MYT1L: variants seen among roughly 807,000 people sequenced by gnomAD.
The protein encoded by MYT1L is myelin transcription factor 1-like protein.
A neutral mutation model predicts 126.7 loss-of-function variants in MYT1L; 12 were observed. The ratio of observed to expected loss-of-function variants is 0.09; its 90% CI spans 0.06 to 0.15. MYT1L has a LOEUF of 0.15. MYT1L is among the 10% of genes least tolerant of loss of function. The pLI, the probability that MYT1L is intolerant of heterozygous loss-of-function variation, is 1.00. For synonymous variants in MYT1L, 541 were observed against 604.2 expected, an observed-to-expected ratio of 0.90 and a Z score of 1.53; for missense variants, 979 against 1,585.2, an observed-to-expected ratio of 0.62 and a Z score of 6.49.
intron 18 of MYT1L, among the ~76,000 whole-genome samples, chr2:1,878,555 C>A (rs1035935562): frequency 3.9e-5 from 6 of 152,118 alleles, no homozygotes; most frequent in Non-Finnish European, 8.8e-5. Flanking sequence ...AGTGTGTACA[C>A]CTGCTTGGTG....
chr2:2,042,883 C>T (rs1415873235), intron 4 of MYT1L, among the ~76,000 whole-genome samples: 1 of 152,204 alleles, frequency 6.6e-6, no homozygotes, highest in African/African-American at 2.4e-5. Flanking sequence ...CTCCCCTCTG[C>T]CCTTCCCCCC....
chr2:2,233,807 C>T (rs1464988854), intron 2 of MYT1L, among the ~76,000 whole-genome samples: 2 of 152,216 alleles, frequency 1.3e-5, no homozygotes, highest in African/African-American at 2.4e-5. Context: ...TCCAGATTCT[C>T]ACCCTGTACT....
At chr2:2,286,993 T>C (rs1431733659) in intron 1 of MYT1L, among the ~76,000 whole-genome samples, 3 of 151,844 alleles carry the variant, frequency 2.0e-5, no homozygotes, top group Admixed American at 6.6e-5. Context: ...ACACACAGAT[T>C]TCATCTAAAA....
intron 2 of MYT1L, among the ~76,000 whole-genome samples, chr2:2,274,640 A>C (rs2095324075): frequency 6.6e-6 from 1 of 152,226 alleles, no homozygotes; most frequent in Admixed American, 6.5e-5. Flanking sequence ...GTGTACTTAA[A>C]ACATATTTCT....
intron 3 of MYT1L, among the ~76,000 whole-genome samples, chr2:2,146,303 A>G (rs2084865143): frequency 1.3e-5 from 2 of 152,242 alleles, no homozygotes; most frequent in Non-Finnish European, 2.9e-5. Flanking sequence ...CATGGAGACC[A>G]CACAAAGGCC....
intron 18 of MYT1L, among the ~76,000 whole-genome samples, chr2:1,882,263 C>A (rs778292331): frequency 6.6e-6 from 1 of 152,162 alleles, no homozygotes; most frequent in African/African-American, 2.4e-5. Flanking sequence ...GGACGCTATG[C>A]ACGGGAGTGA....
chr2:1,959,667 C>T (rs984487064), intron 8 of MYT1L, among the ~76,000 whole-genome samples: 3 of 152,294 alleles, frequency 2.0e-5, no homozygotes, highest in South Asian at 4.1e-4. Context: ...GCTATGCCCC[C>T]GCTCCATCCC....
At chr2:2,323,543 T>C (rs1432410441) in intron 1 of MYT1L, among the ~76,000 whole-genome samples, 1 of 152,186 alleles carries the variant, frequency 6.6e-6, no homozygotes, top group Non-Finnish European at 1.5e-5. Flanking sequence ...CATGGAAGTA[T>C]AATTAACTAA....
At chr2:1,968,278 G>T (rs1200896288) in intron 8 of MYT1L, among the ~76,000 whole-genome samples, 2 of 114,038 alleles carry the variant, frequency 1.8e-5, no homozygotes, top group Non-Finnish European at 3.4e-5. Flanking sequence ...TTCCCTTCCT[G>T]GCTCCCCAGA....
At chr2:2,099,939 G>A (rs2077863008) in intron 3 of MYT1L, among the ~76,000 whole-genome samples, 1 of 152,306 alleles carries the variant, frequency 6.6e-6, no homozygotes, top group South Asian at 2.1e-4. Flanking sequence ...ACTTATGATT[G>A]ACAGAGAGAG....
chr2:2,038,407 AG>A (rs920829428), intron 4 of MYT1L, among the ~76,000 whole-genome samples: 2 of 152,130 alleles, frequency 1.3e-5, no homozygotes, highest in African/African-American at 4.8e-5. Context: ...ACATCAAGCC[AG>A]GTGCTTGGAT....
At chr2:1,837,608 G>A (rs965966737) in intron 21 of MYT1L, among the ~76,000 whole-genome samples, 1 of 152,204 alleles carries the variant, frequency 6.6e-6, no homozygotes, top group East Asian at 1.9e-4. Context: ...AATCAAACCT[G>A]GACAGGACAC....
rs548457945 is a variant in MYT1L, at chr2:1,821,663, C to T, written c.3081-12496G>A. On this transcript the variant is annotated intron_variant, in intron 21 of 24. Transcript: ENST00000647738. ...AGTGGCCGGAGTCCTTGGCTGTTCA[C>T]GCATACATCCCAGACATTGGTGCCT... Among the ~76,000 whole-genome samples, 10 of 152,292 alleles carry T rather than the reference C, an allele frequency of 6.6e-5. No individual in the cohort carries two copies. In the South Asian group the frequency reaches 1.5e-3, roughly 22 times the overall value.
intron 14 of MYT1L, among the ~76,000 whole-genome samples, chr2:1,894,590 GAA>G (rs373741938): frequency 7.0e-6 from 1 of 142,428 alleles, no homozygotes; most frequent in African/African-American, 2.6e-5. Flanking sequence ...ACTGGTTTAG[GAA>G]AAAAAAAAAC....
chr2:1,921,162 A>G (rs2053527304), intron 10 of MYT1L, among the ~76,000 whole-genome samples: 1 of 152,244 alleles, frequency 6.6e-6, no homozygotes, highest in African/African-American at 2.4e-5. Context: ...CGCAGTGAGG[A>G]AACTCAGGAT....
chr2:1,813,663 T>TA (rs1442411542), intron 21 of MYT1L, among the ~76,000 whole-genome samples: 1 of 152,008 alleles, frequency 6.6e-6, no homozygotes, highest in Non-Finnish European at 1.5e-5. Context: ...GCGGGCTCCT[T>TA]AGAAGTTAAT....
chr2:2,280,418 G>C (rs1165496055), intron 2 of MYT1L, among the ~76,000 whole-genome samples: 1 of 152,148 alleles, frequency 6.6e-6, no homozygotes, highest in Non-Finnish European at 1.5e-5. Flanking sequence ...GAAACTATTT[G>C]GAGTGAAAAA....
rs115118416 is a variant in MYT1L, at chr2:2,031,119, T to A, written c.-158+22859A>T. Among the ~76,000 whole-genome samples, 532 of 152,364 alleles carry A rather than the reference T, an allele frequency of 3.5e-3. 3 individuals are homozygous for A. The highest frequency in any genetic ancestry group is 0.012 in the African/African-American group (511 of 41,596). ...CTTTAACTTCAGAAGTTAAAATTTA[T>A]TTCTCTGCACATTTTAGAGATGTGG... On this transcript the variant is annotated intron_variant, in intron 4 of 24. Transcript: ENST00000647738.
At chr2:1,807,809 A>T (rs2147975842) in intron 22 of MYT1L, among the ~76,000 whole-genome samples, 1 of 152,222 alleles carries the variant, frequency 6.6e-6, no homozygotes, top group Middle Eastern at 3.4e-3. Flanking sequence ...TTGTCAATCG[A>T]TCAATAAAAA....
Sources: allele counts gnomAD v4.1 joint callset (sites outside exome capture counted in the v4.1 genomes callset), GRCh38; gene constraint gnomAD v4.1.1; transcripts MANE v1.5; gene names NCBI Gene and HGNC (gene_info 2026-07-23, HGNC 2026-07-21).